Variants in RBFOX1 observed in about 807,000 individuals in gnomAD.
RBFOX1 encodes the protein RNA binding fox-1 homolog 1.
Under a neutral mutation model 57.7 loss-of-function variants are expected in RBFOX1, and 8 were observed. The ratio of observed to expected loss-of-function variants is 0.14; its 90% CI spans 0.08 to 0.25. The LOEUF is 0.25. RBFOX1 is among the 10% of genes least tolerant of loss of function. The pLI is 1.00. For missense variants in RBFOX1, 611 were observed against 548.5 expected, an observed-to-expected ratio of 1.11 and a Z score of -1.14; for synonymous variants, 326 against 222.4, an observed-to-expected ratio of 1.47 and a Z score of -4.15.
intron 3 of RBFOX1, among the ~76,000 whole-genome samples, chr16:6,736,860 A>G (rs1427136792): frequency 2.0e-5 from 3 of 152,176 alleles, no homozygotes; most frequent in Non-Finnish European, 4.4e-5. Context: ...TGGGATACCT[A>G]GAGTCTGAAG....
intron 1 of RBFOX1, among the ~76,000 whole-genome samples, chr16:6,075,258 G>C (rs2095881875): frequency 6.6e-6 from 1 of 152,198 alleles, no homozygotes; most frequent in Admixed American, 6.5e-5. Context: ...AAACTTTGAT[G>C]AGCTTTGAGA....
intron 2 of RBFOX1, among the ~76,000 whole-genome samples, chr16:6,511,774 G>A (rs1471618585): frequency 6.6e-6 from 1 of 152,206 alleles, no homozygotes; most frequent in Admixed American, 6.5e-5. Context: ...GTCCAGAAGA[G>A]ATTATTCAAA....
chr16:6,419,994 C>A (rs1035444905), intron 2 of RBFOX1, among the ~76,000 whole-genome samples: 25 of 152,150 alleles, frequency 1.6e-4, no homozygotes, highest in Non-Finnish European at 2.5e-4. Context: ...TTAGATTTCA[C>A]TGAGCTGTTA....
chr16:6,148,964 G>GA (rs1453059520), intron 1 of RBFOX1, among the ~76,000 whole-genome samples: 1 of 151,634 alleles, frequency 6.6e-6, no homozygotes, highest in South Asian at 2.1e-4. Context: ...CAACGTAGAA[G>GA]AAAAAAAAGA....
At chr16:5,968,539 A>C (rs1443774661) in intron 4 of RBFOX1, among the ~76,000 whole-genome samples, 1 of 152,140 alleles carries the variant, frequency 6.6e-6, no homozygotes, top group Non-Finnish European at 1.5e-5. Flanking sequence ...CCTTTTCTTC[A>C]GGCCTACAGT....
At chr16:5,564,134 A>G (rs1050518561) in intron 2 of RBFOX1, among the ~76,000 whole-genome samples, 2 of 152,014 alleles carry the variant, frequency 1.3e-5, no homozygotes, top group South Asian at 2.1e-4. Flanking sequence ...CTGCCTCAGC[A>G]TCCAGATAGC....
At chr16:6,541,023 T>C (rs2096808691) in intron 2 of RBFOX1, among the ~76,000 whole-genome samples, 1 of 152,182 alleles carries the variant, frequency 6.6e-6, no homozygotes, top group Non-Finnish European at 1.5e-5. Flanking sequence ...GTGAATCAAG[T>C]TCTTATATAA....
chr16:5,801,133 T>G (rs577467557), intron 3 of RBFOX1, among the ~76,000 whole-genome samples: 1 of 152,298 alleles, frequency 6.6e-6, no homozygotes, highest in African/African-American at 2.4e-5. Context: ...TGGGCGCATG[T>G]GTGACAGAAA....
At chr16:7,167,337 A>T (rs370555628) in intron 4 of RBFOX1, among the ~76,000 whole-genome samples, 21 of 152,050 alleles carry the variant, frequency 1.4e-4, no homozygotes, top group African/African-American at 4.8e-4. Flanking sequence ...AGGTGAAATC[A>T]TCCTGGACTT....
At chr16:7,077,581 T>C (rs74998944) in intron 4 of RBFOX1, among the ~76,000 whole-genome samples, 1 of 152,218 alleles carries the variant, frequency 6.6e-6, no homozygotes, top group South Asian at 2.1e-4. Context: ...AATTTGCTGC[T>C]AAGTTCCTCA....
intron 4 of RBFOX1, among the ~76,000 whole-genome samples, chr16:5,882,893 G>A (rs1315113414): frequency 1.3e-5 from 2 of 152,198 alleles, no homozygotes; most frequent in African/African-American, 4.8e-5. Context: ...ACATGAAAAT[G>A]TGTAATAGTC....
chr16:7,340,533 G>C (rs9941321), intron 4 of RBFOX1, among the ~76,000 whole-genome samples: 1 of 152,268 alleles, frequency 6.6e-6, no homozygotes, highest in Admixed American at 6.5e-5. Flanking sequence ...TTACAGACTA[G>C]TAAGTCACAA....
At chr16:6,163,677 G>A (rs919317426) in intron 1 of RBFOX1, among the ~76,000 whole-genome samples, 5 of 152,138 alleles carry the variant, frequency 3.3e-5, no homozygotes, top group African/African-American at 1.2e-4. Flanking sequence ...TTTCCAAAAT[G>A]TTTCCGCAGA....
At chr16:6,381,954 A>G (rs1300006958) in intron 2 of RBFOX1, among the ~76,000 whole-genome samples, 1 of 152,178 alleles carries the variant, frequency 6.6e-6, no homozygotes, top group South Asian at 2.1e-4. Flanking sequence ...CTCTCCTAGG[A>G]AAAGGCTCTG....
chr16:7,062,612 C>G (rs910251135), intron 4 of RBFOX1, among the ~76,000 whole-genome samples: 5 of 152,152 alleles, frequency 3.3e-5, no homozygotes, highest in Non-Finnish European at 7.3e-5. Context: ...CAACACCTGT[C>G]CCTAGCCAAC....
intron 4 of RBFOX1, among the ~76,000 whole-genome samples, chr16:5,892,676 C>T (rs187924802): frequency 1.1e-4 from 17 of 152,282 alleles, no homozygotes; most frequent in African/African-American, 3.1e-4. Flanking sequence ...CTGCTAAAGA[C>T]GGCTTCCCAG....
At chr16:5,731,826 T>C (rs1324251038) in intron 3 of RBFOX1, among the ~76,000 whole-genome samples, 3 of 152,212 alleles carry the variant, frequency 2.0e-5, no homozygotes, top group African/African-American at 7.2e-5. Flanking sequence ...TGGTTTCTAA[T>C]ATGTGTCTTT....
At chr16:5,393,971 T>C (rs1348820808) in intron 1 of RBFOX1, among the ~76,000 whole-genome samples, 1 of 152,194 alleles carries the variant, frequency 6.6e-6, no homozygotes, top group Admixed American at 6.6e-5. Context: ...AATCATACCG[T>C]ATTTGTCTTT....
intron 3 of RBFOX1, among the ~76,000 whole-genome samples, chr16:6,936,719 A>G (rs758345315): frequency 7.2e-5 from 11 of 152,096 alleles, no homozygotes; most frequent in Non-Finnish European, 1.5e-4. Context: ...TAAAACAAAA[A>G]CTCATACAGC....
Sources: gnomAD v4.1 joint callset for allele counts (sites outside exome capture counted in the v4.1 genomes callset) on GRCh38, gnomAD v4.1.1 for gene constraint, MANE v1.5 for transcripts, NCBI Gene and HGNC (gene_info 2026-07-23, HGNC 2026-07-21) for gene names.